Variants in UBA6 observed in about 807,000 individuals in gnomAD.
UBA6 encodes the protein ubiquitin like modifier activating enzyme 6, also known as ubiquitin-like modifier-activating enzyme 6.
A neutral mutation model predicts 148.3 loss-of-function variants in UBA6; 87 were observed. The ratio of observed to expected loss-of-function variants is 0.59; its 90% CI spans 0.49 to 0.70. The LOEUF is 0.70. UBA6 is among the 30% of genes least tolerant of loss of function. The probability of loss-of-function intolerance (pLI) is 0.00; values close to 1 mark genes in which losing one functional copy is unlikely to be tolerated. For synonymous variants in UBA6, 376 were observed against 401.0 expected (o/e 0.94, Z 0.75); for missense variants, 1,186 against 1,241.2 (o/e 0.96, Z 0.67).
intron 2 of UBA6, among the ~76,000 whole-genome samples, chr4:67,682,504 A>T (rs72642387): frequency 0.12 from 18,533 of 152,180 alleles, 1,288 homozygotes; most frequent in South Asian, 0.21. Flanking sequence ...GATTTGCCAC[A>T]ATCAATTCCT....
At chr4:67,638,354 A>G (rs1729221486) in intron 19 of UBA6, 1 of 157,648 alleles carries the variant, frequency 6.3e-6, no homozygotes, top group Non-Finnish European at 1.4e-5. Flanking sequence ...GGAAGAACCT[A>G]AGTAGCTTTG....
chr4:67,694,343 C>A (rs1480810165), intron 2 of UBA6, among the ~76,000 whole-genome samples: 1 of 143,090 alleles, frequency 7.0e-6, no homozygotes, highest in Admixed American at 7.0e-5. Context: ...AAAATAAGAG[C>A]TGGTTATTGT....
In UBA6 at chr4:67,623,193, C is replaced by A. The variant is rs766877225; in HGVS notation, c.2870G>T (p.Arg957Leu). The A allele has an allele frequency of 4.8e-5, 77 of 1,612,218 alleles. No individual in the cohort carries two copies. The highest frequency in any genetic ancestry group is 6.4e-5 in the Non-Finnish European group (76 of 1,178,890). ...RNGISFTIWD[R>L]WTVHGKEDFT... ...ATCTTCTTTTCCATGTACGGTCCAT[C>A]GATCCCAAATTGTAAATGATATTCC... is the stretch of plus-strand genomic sequence containing the variant. Residue 957 changes from arginine (R) to leucine (L), a missense_variant, in exon 31 of 33, where the codon CGA becomes CTA. Arg to Leu is a moderately radical substitution (Grantham distance 102). Coordinates refer to ENST00000322244, the MANE Select transcript of UBA6 (RefSeq NM_018227.6).
chr4:67,665,911 C>T (rs1002224306), intron 9 of UBA6, among the ~76,000 whole-genome samples: 2 of 152,016 alleles, frequency 1.3e-5, no homozygotes, highest in African/African-American at 4.8e-5. Context: ...CTAAGTAACA[C>T]TAAATAACAA....
chr4:67,641,608 T>C (rs1729308286), intron 17 of UBA6, among the ~76,000 whole-genome samples: 1 of 151,976 alleles, frequency 6.6e-6, no homozygotes, highest in Non-Finnish European at 1.5e-5. Flanking sequence ...GAAGAATGCT[T>C]ATATGTATCA....
At chr4:67,663,816 T>G (rs1729923104) in intron 11 of UBA6, 69 bp downstream of exon 11, 2 of 1,340,858 alleles carry the variant, frequency 1.5e-6, no homozygotes, top group Non-Finnish European at 2.1e-6. Flanking sequence ...CATTTTAACT[T>G]CATAATCACT....
chr4:67,622,821 G>A lies in UBA6; in HGVS notation c.3023+10C>T. ...CTTGTTAATCGCTGCATATAATGTT[G>A]AATACTTACGTTAACTTCAATCTTT... On this transcript the variant is annotated intron_variant, in intron 32 of 32. Coordinates refer to ENST00000322244, the MANE Select transcript of UBA6 (RefSeq NM_018227.6). 6.3e-7 allele frequency: 1 copy of A among 1,593,192 alleles called. No individual in the cohort carries two copies. The highest frequency in any genetic ancestry group is 8.6e-7 in the Non-Finnish European group (1 of 1,168,066).
chr4:67,656,821 A>G (rs1729709401), intron 13 of UBA6, among the ~76,000 whole-genome samples: 1 of 152,234 alleles, frequency 6.6e-6, no homozygotes, highest in African/African-American at 2.4e-5. Context: ...CTGATAAGCA[A>G]CTTCAGCAAA....
At chr4:67,683,032 T>C (rs1192634371) in intron 2 of UBA6, among the ~76,000 whole-genome samples, 1 of 152,200 alleles carries the variant, frequency 6.6e-6, no homozygotes, top group East Asian at 1.9e-4. Context: ...AGGGATTTCT[T>C]ATCTAGAGAG....
chr4:67,699,860 T>A (rs1000480143), intron 1 of UBA6, among the ~76,000 whole-genome samples: 3 of 152,210 alleles, frequency 2.0e-5, no homozygotes, highest in Non-Finnish European at 4.4e-5. Context: ...TGCTTCGACC[T>A]CCCAAAGCGC....
In UBA6 at chr4:67,634,231, C is replaced by T. The variant is rs1577795261; in HGVS notation, c.2013+11G>A. 6.4e-7 allele frequency: 1 copy of T among 1,553,356 alleles called. No homozygotes were observed. The highest frequency in any genetic ancestry group is 8.7e-7 in the Non-Finnish European group (1 of 1,151,704). The stretch of plus-strand genomic sequence containing the variant: ...AGTGTTAAGTTTGTATTAAAATTTA[C>T]TGATTTTTACCTGTAAGACTTCTTC... On this transcript the variant is annotated intron_variant, in intron 22 of 32. Coordinates refer to ENST00000322244, the MANE Select transcript of UBA6 (RefSeq NM_018227.6).
intron 25 of UBA6, among the ~76,000 whole-genome samples, chr4:67,630,768 G>A (rs2109900991): frequency 6.6e-6 from 1 of 152,084 alleles, no homozygotes; most frequent in East Asian, 1.9e-4. Context: ...TTAACATTCA[G>A]GTAGTGATCA....
intron 9 of UBA6, among the ~76,000 whole-genome samples, chr4:67,668,245 A>G (rs1730056699): frequency 6.6e-6 from 1 of 152,196 alleles, no homozygotes; most frequent in Admixed American, 6.5e-5. Flanking sequence ...TTGTCTCTGC[A>G]TAAATGATCT....
At chr4:67,670,103 C>T (rs560321768) in intron 8 of UBA6, among the ~76,000 whole-genome samples, 7 of 152,124 alleles carry the variant, frequency 4.6e-5, no homozygotes, top group South Asian at 4.2e-4. Flanking sequence ...CCACCAGGCC[C>T]GGTTAATTTT....
chr4:67,696,446 TAC>T (rs1490960764), intron 2 of UBA6, among the ~76,000 whole-genome samples, 197 bp downstream of exon 2: 1 of 126,950 alleles, frequency 7.9e-6, no homozygotes, highest in Non-Finnish European at 1.8e-5. Flanking sequence ...TATACACATA[TAC>T]ACATATATAT....
At chr4:67,658,365 T>C (rs1729754955) in intron 13 of UBA6, among the ~76,000 whole-genome samples, 1 of 152,214 alleles carries the variant, frequency 6.6e-6, no homozygotes, top group Admixed American at 6.5e-5. Flanking sequence ...GTAATAACTG[T>C]ATTCATAATT....
At chr4:67,641,703 T>A (rs528294439) in intron 17 of UBA6, among the ~76,000 whole-genome samples, 1 of 152,254 alleles carries the variant, frequency 6.6e-6, no homozygotes, top group Non-Finnish European at 1.5e-5. Flanking sequence ...GCTGCCTATT[T>A]TTGTAACTAA....
intron 4 of UBA6, among the ~76,000 whole-genome samples, chr4:67,679,272 A>T (rs1287802091): frequency 1.3e-5 from 2 of 152,054 alleles, no homozygotes. Context: ...TGAAGAATAA[A>T]CCAAATATAA....
chr4:67,621,263 C>T (rs354887), intron 32 of UBA6, among the ~76,000 whole-genome samples: 132,970 of 152,262 alleles, frequency 0.87, 58,687 homozygotes, highest in East Asian at 0.99. Context: ...TTTTAAGGTA[C>T]AGATAATTCA....
Sources: allele counts gnomAD v4.1 joint callset (sites outside exome capture counted in the v4.1 genomes callset), GRCh38; gene constraint gnomAD v4.1.1; transcripts MANE v1.5; gene names NCBI Gene and HGNC (gene_info 2026-07-23, HGNC 2026-07-21).